Variants in CIB2 observed in about 807,000 individuals in gnomAD.
CIB2 encodes calcium and integrin-binding family member 2.
Under a neutral mutation model 23.1 loss-of-function variants are expected in CIB2, and 19 were observed. The ratio of observed to expected loss-of-function variants is 0.82; its 90% confidence interval spans 0.57 to 1.21. CIB2 has a LOEUF of 1.21. CIB2 is among the 50% of genes most tolerant of loss of function. The probability of loss-of-function intolerance (pLI) is 0.00; values close to 1 mark genes in which losing one functional copy is unlikely to be tolerated. For missense variants in CIB2, 220 were observed against 241.5 expected, an observed-to-expected ratio of 0.91 and a Z score of 0.59; for synonymous variants, 94 against 91.7, an observed-to-expected ratio of 1.03 and a Z score of -0.14.
At chr15:78,117,248 A>G (rs1288390222) in intron 2 of CIB2, among the ~76,000 whole-genome samples, 2 of 64,962 alleles carry the variant, frequency 3.1e-5, no homozygotes, top group Non-Finnish European at 6.4e-5. Flanking sequence ...GCTACTGGCA[A>G]AAAAAAAAAA....
chr15:78,116,478 A>C (rs1047703515), intron 2 of CIB2, among the ~76,000 whole-genome samples: 2 of 151,970 alleles, frequency 1.3e-5, no homozygotes, highest in Non-Finnish European at 2.9e-5. Context: ...AAAAAAAAAA[A>C]ATTATACAGA....
At chr15:78,124,454 C>T (rs2074357746) in intron 1 of CIB2, among the ~76,000 whole-genome samples, 1 of 152,008 alleles carries the variant, frequency 6.6e-6, no homozygotes, top group African/African-American at 2.4e-5. Flanking sequence ...ATCCAGATGA[C>T]AAACTCATCT....
Position 78,109,357 on chromosome 15 carries a change from A to G in CIB2, c.224T>C (p.Val75Ala). The G allele has an allele frequency of 6.2e-7, 1 of 1,614,072 alleles. No homozygotes were observed. The highest frequency in any genetic ancestry group is 8.5e-7 in the Non-Finnish European group (1 of 1,180,018). The change falls in exon 4 of 6, where the codon GTG becomes GCG. Residue 75 changes from valine (V) to alanine (A), a missense_variant. By Grantham distance (64) the Val-to-Ala change is moderately conservative. Coordinates refer to ENST00000258930, the MANE Select transcript of CIB2 (RefSeq NM_006383.4). The part of the protein sequence containing the change: ...LRENPFKERI[V>A]AAFSEDGEGN... The stretch of plus-strand genomic sequence containing the variant: ...CTCACCATCCTCGGAAAACGCCGCC[A>G]CGATCCTTTCTTTGAAGGGATTCTC...
At chr15:78,106,546 C>G (rs1433452728) in intron 4 of CIB2, among the ~76,000 whole-genome samples, 2 of 152,180 alleles carry the variant, frequency 1.3e-5, no homozygotes, top group African/African-American at 4.8e-5. Context: ...TTCTACCCAG[C>G]AAAAGGCACT....
At chr15:78,124,687 C>T (rs1036740966) in intron 1 of CIB2, among the ~76,000 whole-genome samples, 1 of 152,164 alleles carries the variant, frequency 6.6e-6, no homozygotes, top group African/African-American at 2.4e-5. Context: ...TCCACTGTTA[C>T]AGCATGAAGC....
intron 2 of CIB2, among the ~76,000 whole-genome samples, chr15:78,119,167 C>T: frequency 6.6e-6 from 1 of 151,902 alleles, no homozygotes; most frequent in Non-Finnish European, 1.5e-5. Context: ...TTTGACTACT[C>T]TAGGTACCTC....
chr15:78,118,175 T>C (rs1168587562), intron 2 of CIB2, among the ~76,000 whole-genome samples: 1 of 152,212 alleles, frequency 6.6e-6, no homozygotes, highest in African/African-American at 2.4e-5. Context: ...TAAAAAAGCT[T>C]GTATATATTT....
At chr15:78,124,606 G>A (rs1031635820) in intron 1 of CIB2, among the ~76,000 whole-genome samples, 2 of 152,182 alleles carry the variant, frequency 1.3e-5, no homozygotes, top group African/African-American at 4.8e-5. Context: ...AGAGGACCCA[G>A]CACTTTGTAA....
Position 78,117,246 on chromosome 15 carries a change from CAAAAAAAAAAAAA to C in CIB2, c.87-5983_87-5971del, listed in dbSNP as rs60332437. On this transcript the variant is annotated intron_variant, in intron 2 of 5. Coordinates refer to ENST00000258930, the MANE Select transcript of CIB2 (RefSeq NM_006383.4). The stretch of plus-strand genomic sequence containing the variant: ...GTTAAGTGTTTCTTCAAGCTACTGG[CAAAAAAAAAAAAA>C]AAAAAAAAAAAAAAAAGTTTGTTTA... 1.5e-3 allele frequency among the ~76,000 whole-genome samples: 84 copies of C among 55,472 alleles called. 2 individuals carry two copies. The highest frequency in any genetic ancestry group is 1.7e-3 in the South Asian group (2 of 1,160). The allele number at this position is 55,472 out of a possible 152,430, so 36.4% of individuals were successfully genotyped here. A position where few individuals can be genotyped will look rare whatever the true frequency, so the allele number is the denominator to read the frequency against.
At chr15:78,105,446 G>A in intron 5 of CIB2, 114 bp from the exon 6 acceptor site, 2 of 1,571,548 alleles carry the variant, frequency 1.3e-6, no homozygotes, top group Non-Finnish European at 1.7e-6. Context: ...GCCTCATTAG[G>A]GAACCCTGCA....
chr15:78,113,539 T>TCTTTCTTTC (rs199677499), intron 2 of CIB2, among the ~76,000 whole-genome samples: 2 of 140,738 alleles, frequency 1.4e-5, no homozygotes, highest in Admixed American at 1.4e-4. Context: ...TTTCTTTCTT[T>TCTTTCTTTC]TTTTTTTTTG....
At chr15:78,120,074 T>C (rs971640435) in intron 2 of CIB2, among the ~76,000 whole-genome samples, 1 of 151,790 alleles carries the variant, frequency 6.6e-6, no homozygotes, top group East Asian at 1.9e-4. Context: ...CTAATTTCTG[T>C]ATTTTTTTTT....
At chr15:78,110,648 A>G in intron 3 of CIB2, 1 of 456,144 alleles carries the variant, frequency 2.2e-6, no homozygotes, top group South Asian at 1.5e-5. Flanking sequence ...CAGCAGCATC[A>G]GTCTCACCTG....
intron 1 of CIB2, among the ~76,000 whole-genome samples, chr15:78,126,819 T>C (rs2141918706): frequency 6.6e-6 from 1 of 152,360 alleles, no homozygotes; most frequent in Middle Eastern, 3.4e-3. Flanking sequence ...CATCAACTGA[T>C]GTTTCACTTT....
At chr15:78,105,711 C>T in intron 5 of CIB2, 28 bp downstream of exon 5, 1 of 1,613,430 alleles carries the variant, frequency 6.2e-7, no homozygotes, top group South Asian at 1.1e-5. Context: ...TCTGCCCTGC[C>T]CAAGCCCGGC....
At position 78,105,944 on chromosome 15, in the gene CIB2, A is replaced by G. The variant is rs780462667; in HGVS notation, c.347-10T>C. ...TTGTCAGTGTTGAAGTCTGTAGGGC[A>G]GGGGTTGGACATGTTCAAGTCCAGG... On this transcript the variant is annotated splice_polypyrimidine_tract_variant and intron_variant, in intron 4 of 5. Transcript: ENST00000258930. The G allele has an allele frequency of 1.2e-6, 2 of 1,613,090 alleles. No individual in the cohort carries two copies. The highest frequency in any genetic ancestry group is 1.1e-5 in the South Asian group (1 of 91,036).
intron 5 of CIB2, 56 bp downstream of exon 5, chr15:78,105,683 C>T (rs1244839274): frequency 6.2e-7 from 1 of 1,610,778 alleles, no homozygotes; most frequent in Non-Finnish European, 8.5e-7. Flanking sequence ...TCAGCCCCAA[C>T]ATCCCGGCCT....
At chr15:78,111,308 G>C in intron 2 of CIB2, 32 bp from the exon 3 acceptor site, 3 of 1,574,108 alleles carry the variant, frequency 1.9e-6, no homozygotes, top group South Asian at 2.3e-5. Context: ...AGCGCTGGAG[G>C]GGGTGCCATC....
At chr15:78,120,302 T>TG (rs1158941169) in intron 2 of CIB2, among the ~76,000 whole-genome samples, 2 of 152,206 alleles carry the variant, frequency 1.3e-5, no homozygotes, top group African/African-American at 4.8e-5. Flanking sequence ...GGCTTACAGG[T>TG]AATTTTTTTT....
Sources: allele counts gnomAD v4.1 joint callset (sites outside exome capture counted in the v4.1 genomes callset), GRCh38; gene constraint gnomAD v4.1.1; transcripts MANE v1.5; gene names NCBI Gene and HGNC (gene_info 2026-07-23, HGNC 2026-07-21).